Variants in ZNF618 observed in about 807,000 individuals in gnomAD.
ZNF618 encodes the protein zinc finger protein 618.
In ZNF618, 34 loss-of-function variants were observed where a neutral mutation model predicts 103.0. The ratio of observed to expected loss-of-function variants is 0.33; its 90% CI spans 0.25 to 0.44. The LOEUF is 0.44. Ranked by LOEUF, ZNF618 falls within the 20% of genes least tolerant of loss-of-function variation. ZNF618 has a pLI of 1.00. For missense variants in ZNF618, 1,059 were observed against 1,295.4 expected (o/e 0.82, Z 2.80); for synonymous variants, 551 against 542.2 (o/e 1.02, Z -0.23).
At chr9:113,902,323 G>C (rs1213541364) in intron 1 of ZNF618, among the ~76,000 whole-genome samples, 7 of 152,186 alleles carry the variant, frequency 4.6e-5, no homozygotes, top group African/African-American at 1.4e-4. Flanking sequence ...CACATAGTAA[G>C]AACTCAGATG....
intron 1 of ZNF618, among the ~76,000 whole-genome samples, chr9:113,938,146 AG>A (rs1834189002): frequency 6.9e-6 from 1 of 145,932 alleles, no homozygotes; most frequent in Non-Finnish European, 1.5e-5. Context: ...TGATGTTTTT[AG>A]GAAAGCTTCA....
Position 113,914,393 on chromosome 9 carries a change from G to A in ZNF618, c.33+37980G>A, listed in dbSNP as rs71503580. ...ATAGGCACCTTGGGGCTCTCCTCAC[G>A]TGCGCTTCTCTGTAGAGCCATTAAT... On this transcript the variant is annotated intron_variant, in intron 1 of 14. Coordinates refer to ENST00000374126, the MANE Select transcript of ZNF618 (RefSeq NM_001318042.2). 5.5e-3 allele frequency among the ~76,000 whole-genome samples: 838 copies of A among 152,224 alleles called. 4 individuals are homozygous for A. Among genetic ancestry groups the A allele is most frequent in the Non-Finnish European group, 7.9e-3 (537 of 68,018 alleles).
rs1202406797 is a variant in ZNF618 at position 114,051,195 on chromosome 9, TTCC to T, written c.*1031_*1033del. On this transcript the variant is annotated 3_prime_UTR_variant, in exon 15 of 15. Coordinates refer to ENST00000374126, the MANE Select transcript of ZNF618 (RefSeq NM_001318042.2). ...TTTGTTTTTTTACTTGCCCCTTTTG[TTCC>T]TCAAGTCACACTGTAAACTAGCTCA... is the stretch of plus-strand genomic sequence containing the variant. 2 of 152,662 alleles carry T rather than the reference TTCC, an allele frequency of 1.3e-5. No individual in the cohort carries two copies. Among genetic ancestry groups the T allele is most frequent in the Admixed American group, 1.3e-4 (2 of 15,286 alleles). The allele number at this position is 152,662 out of a possible 1,614,324, so 9.5% of individuals were successfully genotyped here.
chr9:113,980,014 G>A (rs1354885877), intron 2 of ZNF618, among the ~76,000 whole-genome samples: 1 of 152,128 alleles, frequency 6.6e-6, no homozygotes, highest in Non-Finnish European at 1.5e-5. Flanking sequence ...GGTGGTCGTG[G>A]TATGGTAAGG....
At chr9:114,001,944 C>A in intron 4 of ZNF618, 52 bp from the exon 5 acceptor site, 1 of 1,522,222 alleles carries the variant, frequency 6.6e-7, no homozygotes, top group Non-Finnish European at 9.1e-7. Flanking sequence ...GGTCCTGGGA[C>A]CTTGTGGTCA....
intron 1 of ZNF618, among the ~76,000 whole-genome samples, chr9:113,882,645 A>G (rs962177817): frequency 1.3e-5 from 2 of 152,192 alleles, no homozygotes; most frequent in Non-Finnish European, 1.5e-5. Flanking sequence ...TTGTTAAAGC[A>G]TTCTGGATGC....
intron 12 of ZNF618, among the ~76,000 whole-genome samples, chr9:114,034,396 G>A (rs914573160): frequency 1.3e-5 from 2 of 152,160 alleles, no homozygotes; most frequent in Non-Finnish European, 2.9e-5. Flanking sequence ...TGCCCCCAGA[G>A]CTAATATTCA....
At chr9:113,994,526 C>T (rs1298027622) in intron 3 of ZNF618, among the ~76,000 whole-genome samples, 1 of 152,202 alleles carries the variant, frequency 6.6e-6, no homozygotes, top group Non-Finnish European at 1.5e-5. Context: ...AGTCAAGAGC[C>T]CAGGGTTTAC....
At chr9:113,954,154 C>T (rs1013991535) in intron 1 of ZNF618, among the ~76,000 whole-genome samples, 13 of 152,070 alleles carry the variant, frequency 8.5e-5, no homozygotes, top group Non-Finnish European at 1.8e-4. Context: ...AGATGTCCTG[C>T]GTGCCTCTGG....
intron 1 of ZNF618, among the ~76,000 whole-genome samples, chr9:113,945,435 T>C (rs1293642010): frequency 6.6e-6 from 1 of 152,266 alleles, no homozygotes. Context: ...GACATTTCTC[T>C]ACTGCATTAG....
At chr9:114,034,016 C>G (rs1844351536) in intron 12 of ZNF618, among the ~76,000 whole-genome samples, 1 of 152,210 alleles carries the variant, frequency 6.6e-6, no homozygotes, top group African/African-American at 2.4e-5. Context: ...TAGCTGGTGA[C>G]TTAGGCTAGT....
chr9:114,048,840 A>C lies in ZNF618; in HGVS notation c.1538A>C (p.Glu513Ala). 1 of 1,611,032 alleles carries C rather than the reference A, an allele frequency of 6.2e-7. No individual in the cohort carries two copies. The highest frequency in any genetic ancestry group is 8.5e-7 in the Non-Finnish European group (1 of 1,178,516). Reference protein sequence around the residue: ...GARYGAFSVTEILGNFNTLAL... With the variant: ...GARYGAFSVTAILGNFNTLAL... ...CGCTATGGGGCCTTCTCGGTCACTG[A>C]AATCCTGGGCAACTTCAACACGCTG... The change falls in exon 15 of 15, where the codon GAA (glutamate) becomes GCA (alanine). Residue 513 changes from glutamate to alanine, a missense_variant. By Grantham distance (107) the Glu-to-Ala change is moderately radical. Coordinates refer to ENST00000374126, the MANE Select transcript of ZNF618 (RefSeq NM_001318042.2).
At chr9:113,999,507 G>C (rs1840971773) in intron 4 of ZNF618, among the ~76,000 whole-genome samples, 1 of 152,192 alleles carries the variant, frequency 6.6e-6, no homozygotes, top group Admixed American at 6.5e-5. Flanking sequence ...GGAGCCAGCC[G>C]AGGAGAGGCT....
intron 2 of ZNF618, among the ~76,000 whole-genome samples, chr9:113,984,284 C>T (rs1309816646): frequency 6.6e-6 from 1 of 152,212 alleles, no homozygotes; most frequent in East Asian, 1.9e-4. Flanking sequence ...GGGAGTCTGA[C>T]TCTGCCTCAA....
At chr9:113,922,362 T>G (rs535748629) in intron 1 of ZNF618, among the ~76,000 whole-genome samples, 1 of 152,056 alleles carries the variant, frequency 6.6e-6, no homozygotes, top group Non-Finnish European at 1.5e-5. Flanking sequence ...GAAGATAAGT[T>G]GGCAGCTGCC....
chr9:113,992,924 G>A (rs992057455), intron 3 of ZNF618, among the ~76,000 whole-genome samples: 4 of 152,326 alleles, frequency 2.6e-5, no homozygotes, highest in East Asian at 3.9e-4. Context: ...GTGCTGAGAA[G>A]GGTGTCTCTC....
chr9:113,906,922 C>T (rs189589401), intron 1 of ZNF618, among the ~76,000 whole-genome samples: 1 of 152,358 alleles, frequency 6.6e-6, no homozygotes, highest in East Asian at 1.9e-4. Context: ...CTCCATCTCT[C>T]AGCTCTTGTT....
At chr9:113,902,507 A>G (rs1830654790) in intron 1 of ZNF618, among the ~76,000 whole-genome samples, 1 of 152,208 alleles carries the variant, frequency 6.6e-6, no homozygotes, top group South Asian at 2.1e-4. Flanking sequence ...CGCTTATTCT[A>G]ATGTATTTAA....
At chr9:114,005,666 G>A (rs1023715695) in intron 6 of ZNF618, among the ~76,000 whole-genome samples, 1 of 152,210 alleles carries the variant, frequency 6.6e-6, no homozygotes, top group Non-Finnish European at 1.5e-5. Flanking sequence ...CTCTGTCTCT[G>A]TTCCTGGGCA....
Sources: gnomAD v4.1 joint callset for allele counts (sites outside exome capture counted in the v4.1 genomes callset) on GRCh38, gnomAD v4.1.1 for gene constraint, MANE v1.5 for transcripts, NCBI Gene and HGNC (gene_info 2026-07-23, HGNC 2026-07-21) for gene names.